SF3B1: variants seen among roughly 807,000 people sequenced by gnomAD.
The protein encoded by SF3B1 is splicing factor 3b subunit 1.
Under a neutral mutation model 153.8 loss-of-function variants are expected in SF3B1, and 12 were observed. The observed-to-expected ratio is 0.08, with a 90% CI of 0.05 to 0.13. The LOEUF is 0.13. SF3B1 is among the 10% of genes least tolerant of loss of function. The probability of loss-of-function intolerance (pLI) is 1.00; values close to 1 mark genes in which losing one functional copy is unlikely to be tolerated. For missense variants in SF3B1, 513 were observed against 1,606.1 expected (o/e 0.32, Z 11.63); for synonymous variants, 498 against 525.2 (o/e 0.95, Z 0.71).
In SF3B1 at chr2:197,423,427, G is replaced by A. The variant is rs540405253; in HGVS notation, c.195+381C>T. ...TCCATTCACATTAAGATACCAAGAG[G>A]AGAAAAACAGTATCAAGTACAAGTC... is the stretch of plus-strand genomic sequence containing the variant. On this transcript the variant is annotated intron_variant, in intron 2 of 24. Transcript: ENST00000335508. Among the ~76,000 whole-genome samples the A allele has an allele frequency of 2.6e-5, 4 of 151,586 alleles. No homozygotes were observed. In the East Asian group the frequency reaches 5.8e-4, roughly 22 times the overall value.
In SF3B1 at chr2:197,405,029, T is replaced by C. The variant is rs368486331; in HGVS notation, c.1539+47A>G. On this transcript the variant is annotated intron_variant, in intron 11 of 24. Coordinates refer to ENST00000335508, the MANE Select transcript of SF3B1 (RefSeq NM_012433.4). ...ACAAAAACTACAAATTTTTTTTAAT[T>C]AAATAAATAAGCAACAAACATGACA... The C allele has an allele frequency of 5.0e-4, 652 of 1,310,926 alleles. 2 individuals carry two copies. The highest frequency in any genetic ancestry group is 6.7e-4 in the Non-Finnish European group (631 of 946,854). The allele number at this position is 1,310,926 out of a possible 1,614,324, so 81.2% of individuals were successfully genotyped here. A position where few individuals can be genotyped will look rare whatever the true frequency, so the allele number is the denominator to read the frequency against.
intron 2 of SF3B1, among the ~76,000 whole-genome samples, 183 bp downstream of exon 2, chr2:197,423,625 C>G (rs143231935): frequency 6.6e-6 from 1 of 152,276 alleles, no homozygotes; most frequent in Non-Finnish European, 1.5e-5. Flanking sequence ...ACCATAAATT[C>G]TCAGAACAAA....
At chr2:197,430,482 T>C (rs2085410657) in intron 1 of SF3B1, among the ~76,000 whole-genome samples, 1 of 152,196 alleles carries the variant, frequency 6.6e-6, no homozygotes, top group Non-Finnish European at 1.5e-5. Flanking sequence ...TGAGACAAAG[T>C]CTCACTCTGT....
chr2:197,395,260 A>T (rs2084863153), intron 23 of SF3B1, among the ~76,000 whole-genome samples: 1 of 152,344 alleles, frequency 6.6e-6, no homozygotes, highest in East Asian at 1.9e-4. Context: ...CTGGGCAGCC[A>T]GGCTTTTACA....
At chr2:197,412,967 T>C (rs2085093261) in intron 6 of SF3B1, among the ~76,000 whole-genome samples, 1 of 114,934 alleles carries the variant, frequency 8.7e-6, no homozygotes, top group Non-Finnish European at 1.7e-5. Flanking sequence ...AAGACTGTTG[T>C]CTCAAAAAAA....
At position 197,403,580 on chromosome 2, in the gene SF3B1, C is replaced by T. The variant is rs374289977; in HGVS notation, c.1719+5G>A. 2 of 1,534,712 alleles carry T rather than the reference C, an allele frequency of 1.3e-6. No individual in the cohort carries two copies. The highest frequency in any genetic ancestry group is 1.4e-5 in the African/African-American group (1 of 69,884). ...CTATCAGAAACACTATTAAGGAGAA[C>T]AAACCTTATGCACATATGGACGAAC... is the stretch of plus-strand genomic sequence containing the variant. On this transcript the variant is annotated splice_donor_5th_base_variant and intron_variant, in intron 12 of 24. Transcript: ENST00000335508.
chr2:197,399,235 A>G (rs2084911357), intron 20 of SF3B1, among the ~76,000 whole-genome samples: 1 of 152,228 alleles, frequency 6.6e-6, no homozygotes, highest in Non-Finnish European at 1.5e-5. Context: ...TATAGAGGAT[A>G]GGGTTGCATT....
At chr2:197,394,039 T>C (rs1241045657) in intron 23 of SF3B1, among the ~76,000 whole-genome samples, 2 of 151,766 alleles carry the variant, frequency 1.3e-5, no homozygotes, top group African/African-American at 2.4e-5. Context: ...CAAAAATTAG[T>C]AGGGCATTTT....
chr2:197,408,037 A>G lies in SF3B1; in HGVS notation c.1200T>C (p.Ser400=). Residue 400 remains serine (S), a synonymous_variant, in exon 9 of 25, where the codon TCT becomes TCC. Transcript: ENST00000335508. ...GGAACATAGCATCTAATTCCTCATC[A>G]GAAAGTGGGCGATTTCTCTCATCAA... is the stretch of plus-strand genomic sequence containing the variant. ...REIDERNRPL[S]DEELDAMFPE... 1 of 1,613,578 alleles carries G rather than the reference A, an allele frequency of 6.2e-7. No individual in the cohort carries two copies. The highest frequency in any genetic ancestry group is 8.5e-7 in the Non-Finnish European group (1 of 1,179,534).
chr2:197,424,580 T>C (rs1487957808), intron 1 of SF3B1, among the ~76,000 whole-genome samples: 4 of 151,948 alleles, frequency 2.6e-5, no homozygotes, highest in Non-Finnish European at 5.9e-5. Flanking sequence ...TAGTAACAGC[T>C]TCTATAGATT....
Position 197,392,999 on chromosome 2 carries a change from T to C in SF3B1, c.3729A>G (p.Pro1243=), listed in dbSNP as rs780385656. ...GTAAACAATATTGCAACATTCTACA[T>C]GGTCCAATAGCAACTCTCAGGCCCT... ...ALEGLRVAIG[P]CRMLQYCLQG... is the part of the protein sequence containing the mutation. Residue 1243 remains proline, a synonymous_variant, in exon 24 of 25, where the codon CCA becomes CCG. Coordinates refer to ENST00000335508, the MANE Select transcript of SF3B1 (RefSeq NM_012433.4). The C allele has an allele frequency of 9.9e-6, 16 of 1,611,684 alleles. No individual in the cohort carries two copies. The highest frequency in any genetic ancestry group is 3.3e-5 in the Admixed American group (2 of 59,982).
rs1417262805 is a variant in SF3B1, at chr2:197,391,070, T to C, written c.*1233A>G. ...ACAAAACAAAACAGTAAAAATAGTATAGGTAGTAAAAAGGCCAAAACTAAG... is the reference window on the plus strand; with the variant it reads ...ACAAAACAAAACAGTAAAAATAGTACAGGTAGTAAAAAGGCCAAAACTAAG... On this transcript the variant is annotated 3_prime_UTR_variant, in exon 25 of 25. Coordinates refer to ENST00000335508, the MANE Select transcript of SF3B1 (RefSeq NM_012433.4). The C allele has an allele frequency of 1.3e-5, 2 of 152,116 alleles. No individual in the cohort carries two copies. The highest frequency in any genetic ancestry group is 1.9e-4 in the East Asian group (1 of 5,202). The allele number at this position is 152,116 out of a possible 1,614,324, so 9.4% of individuals were successfully genotyped here.
intron 2 of SF3B1, 52 bp from the exon 3 acceptor site, chr2:197,421,185 A>G (rs780757971): frequency 8.0e-6 from 9 of 1,119,506 alleles, no homozygotes; most frequent in Non-Finnish European, 1.1e-5. Context: ...GAACTTAAAA[A>G]TTAGAAAGAA....
chr2:197,397,802 A>T (rs553612336), intron 22 of SF3B1, among the ~76,000 whole-genome samples, 183 bp downstream of exon 22: 1 of 152,336 alleles, frequency 6.6e-6, no homozygotes, highest in Non-Finnish European at 1.5e-5. Flanking sequence ...GTCTCAAAAA[A>T]AAAAAAAAAG....
rs374761878 is a variant in SF3B1, at chr2:197,421,107, C to T, written c.222G>A (p.Thr74=). 6.8e-6 allele frequency: 11 copies of T among 1,612,926 alleles called. No individual in the cohort carries two copies. The highest frequency in any genetic ancestry group is 5.0e-5 in the Admixed American group (3 of 59,890). The change falls in exon 3 of 25, where the codon ACG becomes ACA. Residue 74 remains threonine (T), a synonymous_variant. Transcript: ENST00000335508. ...CTGGCTTCTTCTGACCAAGCAAACTCGTAGATGATGAATAGTCATCGTCAT... is the reference window on the plus strand; with the variant it reads ...CTGGCTTCTTCTGACCAAGCAAACTTGTAGATGATGAATAGTCATCGTCAT... ...EDDDDDYSSS[T]SLLGQKKPGY... is the part of the protein sequence containing the mutation.
intron 2 of SF3B1, among the ~76,000 whole-genome samples, chr2:197,422,343 G>A (rs1262889095): frequency 6.6e-6 from 1 of 151,972 alleles, no homozygotes; most frequent in East Asian, 1.9e-4. Flanking sequence ...ACTCCTAGGT[G>A]GGAACTGAAC....
At chr2:197,422,913 A>G (rs1219059077) in intron 2 of SF3B1, among the ~76,000 whole-genome samples, 1 of 152,148 alleles carries the variant, frequency 6.6e-6, no homozygotes, top group Non-Finnish European at 1.5e-5. Context: ...TAATCTATAT[A>G]CATAAAATAA....
At chr2:197,430,150 G>C (rs1194198295) in intron 1 of SF3B1, among the ~76,000 whole-genome samples, 1 of 152,172 alleles carries the variant, frequency 6.6e-6, no homozygotes, top group African/African-American at 2.4e-5. Context: ...AATGTTATCA[G>C]TTTTCTTGGA....
At chr2:197,432,689 G>A (rs1178622693) in intron 1 of SF3B1, among the ~76,000 whole-genome samples, 1 of 152,114 alleles carries the variant, frequency 6.6e-6, no homozygotes, top group African/African-American at 2.4e-5. Context: ...GGCCAACATG[G>A]CGAAACCCTG....
Sources: gnomAD v4.1 joint callset for allele counts (sites outside exome capture counted in the v4.1 genomes callset) on GRCh38, gnomAD v4.1.1 for gene constraint, MANE v1.5 for transcripts, NCBI Gene and HGNC (gene_info 2026-07-23, HGNC 2026-07-21) for gene names.